The following FOXP2 variants were observed in gnomAD, a reference collection of about 807,000 sequenced individuals.
FOXP2 encodes forkhead box P2.
A neutral mutation model predicts 115.8 loss-of-function variants in FOXP2; 12 were observed. That is an observed-to-expected ratio of 0.10 (90% confidence interval 0.07 to 0.17). The LOEUF is 0.17. Ranked by LOEUF, FOXP2 falls within the 10% of genes least tolerant of loss-of-function variation. The pLI is 1.00. For missense variants in FOXP2, 629 were observed against 843.5 expected, an observed-to-expected ratio of 0.75 and a Z score of 3.15; for synonymous variants, 328 against 297.7, an observed-to-expected ratio of 1.10 and a Z score of -1.05.
At chr7:114,607,805 C>G (rs572195575) in intron 3 of FOXP2, among the ~76,000 whole-genome samples, 4 of 151,718 alleles carry the variant, frequency 2.6e-5, no homozygotes, top group Non-Finnish European at 5.9e-5. Flanking sequence ...AACATAAACT[C>G]TAAGAAATAT....
At chr7:114,526,670 C>T (rs1290183616) in intron 2 of FOXP2, among the ~76,000 whole-genome samples, 3 of 152,098 alleles carry the variant, frequency 2.0e-5, no homozygotes, top group Non-Finnish European at 2.9e-5. Flanking sequence ...TCTGATAGGT[C>T]ACATACAAAT....
At chr7:114,319,182 G>T (rs1038774875) in intron 2 of FOXP2, among the ~76,000 whole-genome samples, 1 of 151,904 alleles carries the variant, frequency 6.6e-6, no homozygotes, top group East Asian at 2.0e-4. Flanking sequence ...GGTCCCTCAC[G>T]TGGGAAACTT....
At chr7:114,185,226 G>GTT (rs34702279) in intron 1 of FOXP2, among the ~76,000 whole-genome samples, 2 of 151,938 alleles carry the variant, frequency 1.3e-5, no homozygotes, top group East Asian at 1.9e-4. Flanking sequence ...CTTTTAAACA[G>GTT]TTTTTTGGCT....
intron 1 of FOXP2, among the ~76,000 whole-genome samples, chr7:114,105,800 G>A (rs1298160376): frequency 6.6e-6 from 1 of 152,010 alleles, no homozygotes; most frequent in Non-Finnish European, 1.5e-5. Context: ...CTGCAGATAA[G>A]AAAATAACAG....
At chr7:114,348,784 G>C (rs1446971017) in intron 2 of FOXP2, among the ~76,000 whole-genome samples, 1 of 152,070 alleles carries the variant, frequency 6.6e-6, no homozygotes, top group Admixed American at 6.6e-5. Flanking sequence ...CTTTGGAAGA[G>C]AGAGATGCTT....
chr7:114,367,000 A>AT (rs944470934), intron 2 of FOXP2, among the ~76,000 whole-genome samples: 3 of 152,080 alleles, frequency 2.0e-5, no homozygotes, highest in Non-Finnish European at 2.9e-5. Flanking sequence ...AACTATTTAG[A>AT]TTTTTTTGCC....
At chr7:114,223,489 T>TTATA (rs113213202) in intron 1 of FOXP2, among the ~76,000 whole-genome samples, 1 of 147,430 alleles carries the variant, frequency 6.8e-6, no homozygotes, top group African/African-American at 2.5e-5. Flanking sequence ...ATTATATACA[T>TTATA]TATATATATA....
intron 1 of FOXP2, among the ~76,000 whole-genome samples, chr7:114,272,427 T>C (rs975489396): frequency 4.6e-5 from 7 of 151,868 alleles, no homozygotes; most frequent in African/African-American, 1.4e-4. Context: ...CCCACTTCTA[T>C]CCTCTGAAAG....
intron 1 of FOXP2, among the ~76,000 whole-genome samples, chr7:114,228,068 A>T (rs1299922220): frequency 6.6e-6 from 1 of 152,070 alleles, no homozygotes; most frequent in African/African-American, 2.4e-5. Flanking sequence ...TTATGATGGC[A>T]TATCAAAAAA....
At chr7:114,315,180 T>C (rs1183561545) in intron 2 of FOXP2, among the ~76,000 whole-genome samples, 7 of 152,204 alleles carry the variant, frequency 4.6e-5, no homozygotes, top group African/African-American at 1.7e-4. Context: ...GGGAATTTTA[T>C]AGGAAGTTTC....
chr7:114,283,340 A>C (rs2129175224), intron 1 of FOXP2, among the ~76,000 whole-genome samples: 1 of 152,288 alleles, frequency 6.6e-6, no homozygotes, highest in Admixed American at 6.5e-5. Flanking sequence ...GAACTATATA[A>C]CACATGTATT....
At chr7:114,594,831 G>T (rs991783097) in intron 3 of FOXP2, among the ~76,000 whole-genome samples, 1 of 151,938 alleles carries the variant, frequency 6.6e-6, no homozygotes, top group Non-Finnish European at 1.5e-5. Context: ...CCAGGAGATA[G>T]AATTAAATCT....
rs149964511 is a variant in FOXP2, at chr7:114,419,306, A to G, written c.-11+3946A>G. Reference sequence around the variant, plus strand: ...GATTTCATTTTACATAGGACAAGAAATACTTGCAAACAGCAAGTTTAGGTT... The same window carrying G: ...GATTTCATTTTACATAGGACAAGAAGTACTTGCAAACAGCAAGTTTAGGTT... On this transcript the variant is annotated intron_variant, in intron 1 of 16. Transcript: ENST00000350908. 5.8e-3 allele frequency among the ~76,000 whole-genome samples: 886 copies of G among 152,102 alleles called. 8 individuals are homozygous for G. Among genetic ancestry groups the G allele is most frequent in the African/African-American group, 0.02 (847 of 41,536 alleles).
intron 2 of FOXP2, among the ~76,000 whole-genome samples, chr7:114,462,461 T>C (rs1584765819): frequency 1.5e-5 from 2 of 130,558 alleles, no homozygotes; most frequent in South Asian, 5.7e-4. Context: ...AACCTCCGCC[T>C]CCCGAGTTCA....
chr7:114,499,019 T>TTTCTA, intron 2 of FOXP2: 1 of 708,508 alleles, frequency 1.4e-6, no homozygotes, highest in South Asian at 1.5e-5. Flanking sequence ...TTGTTAGAAA[T>TTTCTA]GCACATTCTC....
chr7:114,643,100 C>T (rs1026819789), intron 7 of FOXP2, among the ~76,000 whole-genome samples: 9 of 151,892 alleles, frequency 5.9e-5, no homozygotes, highest in African/African-American at 1.7e-4. Context: ...CGTGAGCCAC[C>T]GTGCCCGGCC....
chr7:114,531,445 G>A (rs867818147), intron 2 of FOXP2, among the ~76,000 whole-genome samples: 1 of 151,888 alleles, frequency 6.6e-6, no homozygotes, highest in South Asian at 2.1e-4. Flanking sequence ...ATTGCTCAGA[G>A]ACCTGAGCAA....
At chr7:114,478,621 C>G (rs1302704035) in intron 2 of FOXP2, among the ~76,000 whole-genome samples, 4 of 151,802 alleles carry the variant, frequency 2.6e-5, no homozygotes, top group Non-Finnish European at 5.9e-5. Flanking sequence ...CTAGTTATTT[C>G]TAGAACATTA....
At chr7:114,578,156 G>T (rs1308332153) in intron 3 of FOXP2, among the ~76,000 whole-genome samples, 7 of 151,832 alleles carry the variant, frequency 4.6e-5, no homozygotes, top group African/African-American at 1.7e-4. Flanking sequence ...CCCTATCCTT[G>T]TTGCCTGTAA....
Sources: gnomAD v4.1 joint callset for allele counts (sites outside exome capture counted in the v4.1 genomes callset) on GRCh38, gnomAD v4.1.1 for gene constraint, MANE v1.5 for transcripts, NCBI Gene and HGNC (gene_info 2026-07-23, HGNC 2026-07-21) for gene names.